Variants in PRMT8 observed in about 807,000 individuals in gnomAD.
The protein encoded by PRMT8 is protein arginine methyltransferase 8, also known as protein arginine N-methyltransferase 8.
PRMT8 carries 7 observed loss-of-function variants against 47.1 expected under a neutral mutation model. The observed-to-expected ratio is 0.15, with a 90% CI of 0.08 to 0.28. PRMT8 has a LOEUF of 0.28. Ranked by LOEUF, PRMT8 falls within the 10% of genes least tolerant of loss-of-function variation. PRMT8 has a pLI of 1.00. For synonymous variants in PRMT8, 188 were observed against 186.5 expected, an observed-to-expected ratio of 1.01 and a Z score of -0.07; for missense variants, 237 against 505.4, an observed-to-expected ratio of 0.47 and a Z score of 5.09.
chr12:3,587,148 G>A (rs1017513265), intron 8 of PRMT8, among the ~76,000 whole-genome samples: 2 of 149,592 alleles, frequency 1.3e-5, no homozygotes, highest in East Asian at 2.0e-4. Flanking sequence ...GACCATTCAT[G>A]GTTCACTTTT....
intron 1 of PRMT8, among the ~76,000 whole-genome samples, chr12:3,424,896 T>G (rs964069620): frequency 2.0e-5 from 3 of 152,106 alleles, no homozygotes; most frequent in African/African-American, 7.2e-5. Context: ...CCGCGATGAG[T>G]TTCCTCATGC....
At chr12:3,441,650 C>T (rs1327950561) in intron 1 of PRMT8, among the ~76,000 whole-genome samples, 1 of 152,222 alleles carries the variant, frequency 6.6e-6, no homozygotes, top group African/African-American at 2.4e-5. Context: ...CAGCACTGGC[C>T]ATCCCTGAGG....
At chr12:3,390,651 C>T (rs567134610) in intron 1 of PRMT8, among the ~76,000 whole-genome samples, 2 of 152,308 alleles carry the variant, frequency 1.3e-5, no homozygotes, top group South Asian at 2.1e-4. Context: ...ATATATGGCA[C>T]TATGACTGAA....
intron 1 of PRMT8, among the ~76,000 whole-genome samples, chr12:3,525,741 A>T (rs979563409): frequency 6.6e-6 from 1 of 152,198 alleles, no homozygotes; most frequent in Admixed American, 6.5e-5. Context: ...CTGTGTCTAG[A>T]TTTCACAGGC....
chr12:3,568,588 A>G (rs1866777450), intron 4 of PRMT8, 118 bp from the exon 5 acceptor site: 5 of 1,144,184 alleles, frequency 4.4e-6, no homozygotes, highest in Non-Finnish European at 5.0e-6. Context: ...GCTACATCAT[A>G]TCCTAAAAGT....
intron 1 of PRMT8, among the ~76,000 whole-genome samples, chr12:3,522,210 C>T (rs1169895382): frequency 6.6e-6 from 1 of 152,178 alleles, no homozygotes; most frequent in East Asian, 1.9e-4. Flanking sequence ...AACTTTCCTA[C>T]TATAAAACTC....
At chr12:3,393,390 A>G (rs867741800) in intron 1 of PRMT8, among the ~76,000 whole-genome samples, 1 of 149,996 alleles carries the variant, frequency 6.7e-6, no homozygotes, top group African/African-American at 2.5e-5. Flanking sequence ...TGATTTTTGT[A>G]TAAGGTGTAA....
chr12:3,405,351 G>T (rs1246385089), intron 1 of PRMT8, among the ~76,000 whole-genome samples: 1 of 152,138 alleles, frequency 6.6e-6, no homozygotes, highest in Non-Finnish European at 1.5e-5. Flanking sequence ...AATTCAAGAT[G>T]AGATTTGGGT....
At chr12:3,455,794 A>G (rs1463476175) in intron 1 of PRMT8, among the ~76,000 whole-genome samples, 1 of 151,996 alleles carries the variant, frequency 6.6e-6, no homozygotes, top group Non-Finnish European at 1.5e-5. Context: ...GGTGGACTTT[A>G]TTTCCATTTT....
chr12:3,522,308 G>A (rs931739013), intron 1 of PRMT8, among the ~76,000 whole-genome samples: 26 of 152,184 alleles, frequency 1.7e-4, no homozygotes, highest in African/African-American at 6.3e-4. Flanking sequence ...CTCAAACCCT[G>A]TCTCTGAAGT....
chr12:3,439,526 C>T (rs1864777219), intron 1 of PRMT8, among the ~76,000 whole-genome samples: 1 of 152,192 alleles, frequency 6.6e-6, no homozygotes, highest in Non-Finnish European at 1.5e-5. Flanking sequence ...TCACCCTCTC[C>T]CTTTCTCAGC....
At chr12:3,559,502 T>A (rs1160757263) in intron 4 of PRMT8, among the ~76,000 whole-genome samples, 1 of 152,224 alleles carries the variant, frequency 6.6e-6, no homozygotes, top group African/African-American at 2.4e-5. Flanking sequence ...TCTATTTATA[T>A]GTATTGTCAA....
intron 4 of PRMT8, among the ~76,000 whole-genome samples, chr12:3,567,090 G>A (rs1866732885): frequency 6.6e-6 from 1 of 152,220 alleles, no homozygotes; most frequent in Non-Finnish European, 1.5e-5. Context: ...CTGGGGACAG[G>A]GGCTTTGACC....
At chr12:3,516,829 C>T (rs1462205576) in intron 1 of PRMT8, among the ~76,000 whole-genome samples, 1 of 151,662 alleles carries the variant, frequency 6.6e-6, no homozygotes, top group Non-Finnish European at 1.5e-5. Flanking sequence ...TTGCGCTCAT[C>T]CAAACCAAAA....
At position 3,569,716 on chromosome 12, in the gene PRMT8, T is replaced by C. The variant is rs1866811638; in HGVS notation, c.712+152T>C. ...GGGACCCTTTCTGGAGTCTGCTCTC[T>C]AAATGTTTCTATCTAGTCCCAAGGG... On this transcript the variant is annotated intron_variant, in intron 6 of 9. Coordinates refer to ENST00000382622, the MANE Select transcript of PRMT8 (RefSeq NM_019854.5). This position sits in a 1 kb window ranked among gnomAD's most constrained non-coding sequence, Gnocchi z 8.2. 1 of 685,754 alleles carries C rather than the reference T, an allele frequency of 1.5e-6. No individual in the cohort carries two copies. The highest frequency in any genetic ancestry group is 1.8e-5 in the African/African-American group (1 of 56,186). The allele number at this position is 685,754 out of a possible 1,614,324, so 42.5% of individuals were successfully genotyped here. A position where few individuals can be genotyped will look rare whatever the true frequency, so the allele number is the denominator to read the frequency against.
chr12:3,403,974 T>G (rs1864347651), intron 1 of PRMT8, among the ~76,000 whole-genome samples: 1 of 152,006 alleles, frequency 6.6e-6, no homozygotes, highest in African/African-American at 2.4e-5. Flanking sequence ...TTGTAATTTT[T>G]TAAACTTAAA....
At chr12:3,510,513 A>T (rs1469478628) in intron 1 of PRMT8, among the ~76,000 whole-genome samples, 2 of 152,212 alleles carry the variant, frequency 1.3e-5, no homozygotes. Context: ...ATATTACTAT[A>T]TTCCCTATGA....
intron 1 of PRMT8, among the ~76,000 whole-genome samples, chr12:3,465,468 G>A (rs577996672): frequency 6.6e-6 from 1 of 151,896 alleles, no homozygotes; most frequent in African/African-American, 2.4e-5. Flanking sequence ...ACTTTTGTTT[G>A]TGGGGTTTAG....
At chr12:3,412,346 GAATGGTGAGTA>G (rs1270243395) in intron 1 of PRMT8, among the ~76,000 whole-genome samples, 10 of 152,248 alleles carry the variant, frequency 6.6e-5, no homozygotes, top group African/African-American at 2.4e-4. Flanking sequence ...GTCAGTGAGT[GAATGGTGAGTA>G]AATGTGAAGA....
Sources: allele counts gnomAD v4.1 joint callset (sites outside exome capture counted in the v4.1 genomes callset), GRCh38; gene constraint gnomAD v4.1.1; non-coding constraint Gnocchi (gnomAD v3.1); transcripts MANE v1.5; gene names NCBI Gene and HGNC (gene_info 2026-07-23, HGNC 2026-07-21).